Variants in LAIR1 observed in about 807,000 individuals in gnomAD.
LAIR1 encodes the protein leukocyte-associated immunoglobulin-like receptor 1.
In LAIR1, 24 loss-of-function variants were observed where a neutral mutation model predicts 32.8. That is an observed-to-expected ratio of 0.73 (90% CI 0.53 to 1.03). LAIR1 has a LOEUF of 1.03. Among genes scored for constraint, LAIR1 ranks in the 50% least tolerant of loss-of-function variants. LAIR1 has a pLI of 0.00. For synonymous variants in LAIR1, 150 were observed against 140.5 expected (o/e 1.07, Z -0.48); for missense variants, 355 against 347.5 (o/e 1.02, Z -0.17).
chr19:54,360,945 T>C lies in LAIR1; in HGVS notation c.335A>G (p.Gln112Arg), dbSNP rs1569196097. The C allele has an allele frequency of 6.2e-7, 1 of 1,613,988 alleles. No homozygotes were observed. The highest frequency in any genetic ancestry group is 8.5e-7 in the Non-Finnish European group (1 of 1,179,974). ...IYYKPPKWSEQSDYLELLVKE... is the reference protein window; with the variant it reads ...IYYKPPKWSERSDYLELLVKE... Reference sequence around the variant, plus strand: ...CACCAGCAGCTCCAGGTAGTCACTCTGCTCAGACCATTTAGGGGGCTTATA... The same window carrying C: ...CACCAGCAGCTCCAGGTAGTCACTCCGCTCAGACCATTTAGGGGGCTTATA... The change falls in exon 3 of 10, where the codon CAG becomes CGG. Residue 112 changes from glutamine to arginine, a missense_variant. Physicochemically the swap from Gln to Arg is conservative, Grantham distance 43 (BLOSUM62 1). Transcript: ENST00000391742.
At chr19:54,366,626 C>T (rs965811025), upstream of LAIR1, among the ~76,000 whole-genome samples, 8 of 152,064 alleles carry the variant, frequency 5.3e-5, no homozygotes, top group African/African-American at 1.9e-4. Context: ...TTAGCTGGGA[C>T]TACAGGCACC....
rs2082201034 is a variant in LAIR1, at chr19:54,364,900, G to A, written c.-96C>T. The A allele has an allele frequency of 3.1e-6, 5 of 1,608,642 alleles. No individual in the cohort carries two copies. Among genetic ancestry groups the A allele is most frequent in the South Asian group, 2.2e-5 (2 of 90,488 alleles). ...AAGCAGACAGGATGTGCTGCCCGGGGGCCTCCTGCCTATGGGGCTTCCACA... is the reference window on the plus strand; with the variant it reads ...AAGCAGACAGGATGTGCTGCCCGGGAGCCTCCTGCCTATGGGGCTTCCACA... On this transcript the variant is annotated 5_prime_UTR_variant, in exon 1 of 10. Coordinates refer to ENST00000391742, the MANE Select transcript of LAIR1 (RefSeq NM_002287.6). This position sits in a 1 kb window ranked among gnomAD's most constrained non-coding sequence, Gnocchi z 4.8.
At chr19:54,374,162 C>T (rs1436418850), upstream of LAIR1, among the ~76,000 whole-genome samples, 2 of 151,856 alleles carry the variant, frequency 1.3e-5, no homozygotes, top group African/African-American at 4.8e-5. Flanking sequence ...AAGAAATGTA[C>T]CTGAGAATGT....
intron 2 of LAIR1, 109 bp from the exon 3 acceptor site, chr19:54,361,318 T>C (rs934533012): frequency 3.2e-6 from 4 of 1,232,258 alleles, no homozygotes; most frequent in Admixed American, 1.8e-5. Context: ...TATAGAGTTA[T>C]GCAGCCATGA....
intron 4 of LAIR1, 65 bp from the exon 5 acceptor site, chr19:54,357,031 T>A: frequency 6.8e-7 from 1 of 1,471,250 alleles, no homozygotes; most frequent in Non-Finnish European, 9.4e-7. Flanking sequence ...AGGCTCTGAG[T>A]CCTCCCACAT....
chr19:54,356,238 C>T lies in LAIR1; in HGVS notation c.656G>A (p.Arg219Lys), dbSNP rs1270100419. 6.2e-7 allele frequency: 1 copy of T among 1,613,356 alleles called. No individual in the cohort carries two copies. The highest frequency in any genetic ancestry group is 1.7e-5 in the Admixed American group (1 of 59,932). Reference protein sequence around the residue: ...RPDLAVDVLERTADKATVNGL... With the variant: ...RPDLAVDVLEKTADKATVNGL... ...TCCTCCTCCCCCTTTACCTGCTGTC[C>T]TCTCTAGAACATCAACAGCCAGGTC... Residue 219 changes from arginine to lysine, a missense_variant, in exon 8 of 10, where the codon AGG (arginine) becomes AAG (lysine). Transcript: ENST00000391742.
At chr19:54,366,849 A>G (rs1484002143), upstream of LAIR1, among the ~76,000 whole-genome samples, 1 of 152,216 alleles carries the variant, frequency 6.6e-6, no homozygotes, top group Non-Finnish European at 1.5e-5. Context: ...GTACCAACCT[A>G]GGCTCAGATG....
chr19:54,356,404 G>C lies in LAIR1; in HGVS notation c.584-6C>G. 2.5e-6 allele frequency: 4 copies of C among 1,598,128 alleles called. No individual in the cohort carries two copies. Among genetic ancestry groups the C allele is most frequent in the Non-Finnish European group, 3.4e-6 (4 of 1,172,244 alleles). On this transcript the variant is annotated splice_region_variant and splice_polypyrimidine_tract_variant and intron_variant, in intron 6 of 9. Coordinates refer to ENST00000391742, the MANE Select transcript of LAIR1 (RefSeq NM_002287.6). Reference sequence around the variant, plus strand: ...GTCCTTGCTTCTGGGGGGCCCTAAGGACAGTCGGGGTGTGAATTAAGGAGA... The same window carrying C: ...GTCCTTGCTTCTGGGGGGCCCTAAGCACAGTCGGGGTGTGAATTAAGGAGA...
intron 2 of LAIR1, among the ~76,000 whole-genome samples, chr19:54,363,562 A>G (rs1463226490): frequency 6.6e-6 from 1 of 152,202 alleles, no homozygotes; most frequent in Admixed American, 6.5e-5. Context: ...CCCACCGCCA[A>G]ATGAATGGAT....
chr19:54,372,644 C>T (rs2082435916), upstream of LAIR1, among the ~76,000 whole-genome samples: 1 of 150,736 alleles, frequency 6.6e-6, no homozygotes, highest in African/African-American at 2.5e-5. Context: ...GCATGCACCA[C>T]CACACCCAGA....
chr19:54,356,421 T>C (rs768090862), intron 6 of LAIR1, 23 bp from the exon 7 acceptor site: 59 of 1,605,856 alleles, frequency 3.7e-5, no homozygotes, highest in Non-Finnish European at 4.8e-5. Context: ...GGGGTGTGAA[T>C]TAAGGAGACC....
chr19:54,367,222 C>CT (rs1334122696), upstream of LAIR1, among the ~76,000 whole-genome samples: 1 of 152,184 alleles, frequency 6.6e-6, no homozygotes, highest in Non-Finnish European at 1.5e-5. Flanking sequence ...TGATCACTGC[C>CT]TTGCTGACCA....
chr19:54,369,519 C>T (rs140147235), upstream of LAIR1, among the ~76,000 whole-genome samples: 107 of 151,490 alleles, frequency 7.1e-4, 8 homozygotes, highest in African/African-American at 2.5e-3. Context: ...ATGAGGACCC[C>T]TCCACCTTTG....
chr19:54,362,791 G>T (rs1013200508), intron 2 of LAIR1, among the ~76,000 whole-genome samples: 23 of 152,180 alleles, frequency 1.5e-4, no homozygotes, highest in African/African-American at 5.5e-4. Flanking sequence ...CAGCCTCATT[G>T]GTCATTTTTA....
At position 54,353,104 on chromosome 19, in the gene LAIR1, T is replaced by A. The variant is rs2081565097; in HGVS notation, c.*2164A>T. On this transcript the variant is annotated 3_prime_UTR_variant, in exon 10 of 10. Coordinates refer to ENST00000391742, the MANE Select transcript of LAIR1 (RefSeq NM_002287.6). ...TGAACCCGGGAGGCAGAGGTTGCAGTGAGCCAAGATTGTGCCATTGCACTC... is the reference window on the plus strand; with the variant it reads ...TGAACCCGGGAGGCAGAGGTTGCAGAGAGCCAAGATTGTGCCATTGCACTC... 1 of 149,624 alleles carries A rather than the reference T, an allele frequency of 6.7e-6. No homozygotes were observed. Among genetic ancestry groups the A allele is most frequent in the African/African-American group, 2.5e-5 (1 of 40,384 alleles). 9.3% of individuals were successfully genotyped at this position (149,624 alleles called of 1,614,324 possible).
At position 54,356,427 on chromosome 19, in the gene LAIR1, A is replaced by G. The variant is rs115356168; in HGVS notation, c.584-29T>C. ...AGGACAGTCGGGGTGTGAATTAAGGAGACCTTCTTCCTAGCCTCTCCTGAC... is the reference window on the plus strand; with the variant it reads ...AGGACAGTCGGGGTGTGAATTAAGGGGACCTTCTTCCTAGCCTCTCCTGAC... On this transcript the variant is annotated intron_variant, in intron 6 of 9. Transcript: ENST00000391742. 4.2e-3 allele frequency: 6,708 copies of G among 1,607,324 alleles called. 200 individuals are homozygous for G. In the African/African-American group the frequency reaches 0.074, roughly 18 times the overall value.
rs1024817173 is a variant in LAIR1 at position 54,351,925 on chromosome 19, A to G, written c.*3343T>C. ...GTCCACCCTATAGTTTGTATAACAA[A>G]CATTCTCACTTGTTCATGCTGTATT... On this transcript the variant is annotated 3_prime_UTR_variant, in exon 10 of 10. Coordinates refer to ENST00000391742, the MANE Select transcript of LAIR1 (RefSeq NM_002287.6). 6.6e-6 allele frequency: 1 copy of G among 152,182 alleles called. No homozygotes were observed. Among genetic ancestry groups the G allele is most frequent in the African/African-American group, 2.4e-5 (1 of 41,434 alleles). 9.4% of individuals were successfully genotyped at this position (152,182 alleles called of 1,614,324 possible). A position where few individuals can be genotyped will look rare whatever the true frequency, so the allele number is the denominator to read the frequency against.
chr19:54,359,281 G>C (rs573119638), intron 4 of LAIR1, among the ~76,000 whole-genome samples: 1 of 151,978 alleles, frequency 6.6e-6, no homozygotes, highest in East Asian at 1.9e-4. Flanking sequence ...TCCTCCCCTG[G>C]GAGTTTCTGG....
rs1043249120 is a variant in LAIR1, at chr19:54,369,961, G to A, written c.16+301C>T. ...GACTGGGGAACTCAAGCTAAACCCCGGTCCTCACAGTTCAGCACGTTGCAA... is the reference window on the plus strand; with the variant it reads ...GACTGGGGAACTCAAGCTAAACCCCAGTCCTCACAGTTCAGCACGTTGCAA... On this transcript the variant is annotated intron_variant, in intron 1 of 8. Transcript: ENST00000391743. Among the ~76,000 whole-genome samples the A allele has an allele frequency of 4.2e-4, 63 of 148,868 alleles. 1 individual carries two copies. The highest frequency in any genetic ancestry group is 1.3e-3 in the African/African-American group (52 of 38,984).
Sources: gnomAD v4.1 joint callset for allele counts (sites outside exome capture counted in the v4.1 genomes callset) on GRCh38, gnomAD v4.1.1 for gene constraint, Gnocchi (gnomAD v3.1) non-coding constraint, MANE v1.5 for transcripts, NCBI Gene and HGNC (gene_info 2026-07-23, HGNC 2026-07-21) for gene names.